The following SCN3A variants were observed in gnomAD, a reference collection of about 807,000 sequenced individuals.
SCN3A encodes the protein sodium voltage-gated channel alpha subunit 3, also known as sodium channel protein type 3 subunit alpha.
SCN3A carries 60 observed loss-of-function variants against 187.6 expected under a neutral mutation model. That is an observed-to-expected ratio of 0.32 (90% CI 0.26 to 0.40). The LOEUF (loss-of-function observed/expected upper bound fraction) is 0.40. Among genes scored for constraint, SCN3A ranks in the 10% least tolerant of loss-of-function variants. The pLI, the probability that SCN3A is intolerant of heterozygous loss-of-function variation, is 1.00. For synonymous variants in SCN3A, 788 were observed against 829.2 expected (o/e 0.95, Z 0.85); for missense variants, 1,601 against 2,428.2 (o/e 0.66, Z 7.16).
chr2:165,158,038 T>A (rs1689166910), intron 9 of SCN3A, among the ~76,000 whole-genome samples: 1 of 152,176 alleles, frequency 6.6e-6, no homozygotes, highest in Non-Finnish European at 1.5e-5. Context: ...CTAGTTCTTT[T>A]TATTGGAAAA....
In SCN3A at chr2:165,089,418, C is replaced by T. The variant is rs994823958; in HGVS notation, c.*732G>A. 6.6e-6 allele frequency: 1 copy of T among 152,518 alleles called. No individual in the cohort carries two copies. Among genetic ancestry groups the T allele is most frequent in the African/African-American group, 2.4e-5 (1 of 41,430 alleles). 9.4% of individuals were successfully genotyped at this position (152,518 alleles called of 1,614,324 possible). The stretch of plus-strand genomic sequence containing the variant: ...TTTGACCTAAATTAAATATAGAGCT[C>T]TGAAACTTAGAATAAAATTTGCACT... On this transcript the variant is annotated 3_prime_UTR_variant, in exon 28 of 28. Transcript: ENST00000283254.
chr2:165,115,587 A>G lies in SCN3A; in HGVS notation c.3394-12T>C. 6.2e-7 allele frequency: 1 copy of G among 1,613,338 alleles called. No individual in the cohort carries two copies. The highest frequency in any genetic ancestry group is 8.5e-7 in the Non-Finnish European group (1 of 1,179,434). On this transcript the variant is annotated splice_polypyrimidine_tract_variant and intron_variant, in intron 18 of 27. Transcript: ENST00000283254. ...GTTGCATTTAATTTCTGGAAACAAAATCCCATTTCAAAGATGTGATTTTCC... is the reference window on the plus strand; with the variant it reads ...GTTGCATTTAATTTCTGGAAACAAAGTCCCATTTCAAAGATGTGATTTTCC...
intron 1 of SCN3A, among the ~76,000 whole-genome samples, chr2:165,193,068 T>C: frequency 6.6e-6 from 1 of 152,118 alleles, no homozygotes; most frequent in East Asian, 1.9e-4. Context: ...GATATTAAAA[T>C]CTAGAACATT....
At chr2:165,112,529 ATGTT>A (rs776018377) in intron 21 of SCN3A, among the ~76,000 whole-genome samples, 46 of 152,160 alleles carry the variant, frequency 3.0e-4, no homozygotes, top group Non-Finnish European at 5.4e-4. Context: ...CTTCTTGGAG[ATGTT>A]TGTTTGTTTT....
At chr2:165,186,014 G>A (rs1243528082) in intron 2 of SCN3A, among the ~76,000 whole-genome samples, 2 of 152,148 alleles carry the variant, frequency 1.3e-5, no homozygotes, top group African/African-American at 2.4e-5. Flanking sequence ...GCTCACACCT[G>A]TAATCCCAGC....
chr2:165,109,954 C>T (rs1057428000), intron 21 of SCN3A, among the ~76,000 whole-genome samples: 5 of 152,192 alleles, frequency 3.3e-5, no homozygotes, highest in African/African-American at 7.2e-5. Context: ...CTCCTTGGCT[C>T]ATTCCCACTT....
At position 165,186,267 on chromosome 2, in the gene SCN3A, C is replaced by A. The variant is rs933090970; in HGVS notation, c.-51+284G>T. On this transcript the variant is annotated intron_variant, in intron 2 of 27. Coordinates refer to ENST00000283254, the MANE Select transcript of SCN3A (RefSeq NM_006922.4). ...CCTGGGCGACAGAGAGAGACTCTGT[C>A]TCAAAACAACAACAACAACAACAAA... Among the ~76,000 whole-genome samples, 5 of 145,738 alleles carry A rather than the reference C, an allele frequency of 3.4e-5. No homozygotes were observed. In the Admixed American group the frequency reaches 3.7e-4, roughly 11 times the overall value.
chr2:165,093,585 A>C (rs567337291), intron 26 of SCN3A: 1 of 152,228 alleles, frequency 6.6e-6, no homozygotes, highest in Non-Finnish European at 1.5e-5. Flanking sequence ...AAAGGTCATG[A>C]AGTGACCATG....
chr2:165,141,197 T>C (rs1039748330), intron 12 of SCN3A, among the ~76,000 whole-genome samples, 199 bp from the exon 13 acceptor site: 3 of 152,236 alleles, frequency 2.0e-5, no homozygotes, highest in Non-Finnish European at 2.9e-5. Context: ...AGAGTGTTTT[T>C]CTGACTAACA....
At position 165,198,804 on chromosome 2, in the gene SCN3A, G is replaced by A. The variant is rs117451219; in HGVS notation, c.-248+5019C>T. On this transcript the variant is annotated intron_variant, in intron 1 of 27. Transcript: ENST00000283254. ...AAATTCCATGAAAAGAAAATGCTCA[G>A]AGTACTTGGGAACATGTTTAGTTAG... Among the ~76,000 whole-genome samples, 73 of 152,086 alleles carry A rather than the reference G, an allele frequency of 4.8e-4. No individual in the cohort carries two copies. In the East Asian group the frequency reaches 0.013, roughly 27 times the overall value.
chr2:165,131,769 A>C (rs1373328793), intron 15 of SCN3A, among the ~76,000 whole-genome samples: 2 of 115,058 alleles, frequency 1.7e-5, no homozygotes, highest in South Asian at 6.2e-4. Flanking sequence ...ACCCCACAAC[A>C]GTCCCCAGAG....
Position 165,176,257 on chromosome 2 carries a change from C to A in SCN3A, c.138G>T (p.Glu46Asp). Residue 46 changes from glutamate to aspartate, a missense_variant, in exon 3 of 28, where the codon GAG becomes GAT. Glu to Asp is a conservative substitution (Grantham distance 45). This residue lies in a region of SCN3A where 74 missense variants were observed against 77.7 expected (regional missense o/e 0.95). Transcript: ENST00000283254. ...AGTCACTATTTGGCTTTGGTTTGTT[C>A]TCATCATCATTATCTTGTTCCTTTT... Reference protein sequence around the residue: ...KPKKEQDNDDENKPKPNSDLE... With the variant: ...KPKKEQDNDDDNKPKPNSDLE... The A allele has an allele frequency of 1.9e-6, 3 of 1,612,144 alleles. No individual in the cohort carries two copies. The highest frequency in any genetic ancestry group is 1.7e-6 in the Non-Finnish European group (2 of 1,179,252).
At position 165,092,614 on chromosome 2, in the gene SCN3A, G is replaced by GTATGT; in HGVS notation, c.4537-91_4537-90insACATA. On this transcript the variant is annotated intron_variant, in intron 26 of 27. Transcript: ENST00000283254. This position sits in a 1 kb window ranked among gnomAD's most constrained non-coding sequence, Gnocchi z 4.2. Reference sequence around the variant, plus strand: ...TTGTAGATAAAGCCCTTCCACATACGGGATGGATGTGCACCCTCCTCATAT... The same window carrying GTATGT: ...TTGTAGATAAAGCCCTTCCACATACGTATGTGGATGGATGTGCACCCTCCTCATAT... The GTATGT allele has an allele frequency of 1.2e-5, 14 of 1,196,094 alleles. No homozygotes were observed. Among genetic ancestry groups the GTATGT allele is most frequent in the Non-Finnish European group, 1.6e-5 (13 of 817,740 alleles). 74.1% of individuals were successfully genotyped at this position (1,196,094 alleles called of 1,614,324 possible). A position where few individuals can be genotyped will look rare whatever the true frequency, so the allele number is the denominator to read the frequency against.
chr2:165,179,404 T>C (rs2105933202), intron 2 of SCN3A: 1 of 152,358 alleles, frequency 6.6e-6, no homozygotes, highest in Non-Finnish European at 1.5e-5. Flanking sequence ...GGTTGGTTTT[T>C]GTTTTAGAAA....
chr2:165,175,340 T>C (rs924714515), intron 3 of SCN3A, among the ~76,000 whole-genome samples: 3 of 152,186 alleles, frequency 2.0e-5, no homozygotes, highest in Non-Finnish European at 4.4e-5. Flanking sequence ...ACCTATTTTT[T>C]ATATTTTCTA....
At chr2:165,142,299 G>T (rs1688056602) in intron 12 of SCN3A, among the ~76,000 whole-genome samples, 1 of 152,136 alleles carries the variant, frequency 6.6e-6, no homozygotes, top group Non-Finnish European at 1.5e-5. Context: ...ATGTATTCTT[G>T]GTTCCTCTGC....
chr2:165,090,359 T>A lies in SCN3A; in HGVS notation c.5794A>T (p.Ile1932Phe). ...NISSNYNKEA[I>F]KGRIDLPIKQ... ...ATAGGTAAGTCAATCCTCCCTTTAATTGCCTCTTTGTTATAGTTACTTGAT... is the reference window on the plus strand; with the variant it reads ...ATAGGTAAGTCAATCCTCCCTTTAAATGCCTCTTTGTTATAGTTACTTGAT... The change falls in exon 28 of 28, where the codon ATT becomes TTT. Residue 1932 changes from isoleucine to phenylalanine, a missense_variant. Coordinates refer to ENST00000283254, the MANE Select transcript of SCN3A (RefSeq NM_006922.4). This position sits in a 1 kb window ranked among gnomAD's most constrained non-coding sequence, Gnocchi z 4.0. 6.2e-7 allele frequency: 1 copy of A among 1,613,132 alleles called. No individual in the cohort carries two copies. Among genetic ancestry groups the A allele is most frequent in the Non-Finnish European group, 8.5e-7 (1 of 1,179,174 alleles).
At chr2:165,108,865 T>C (rs1394867955) in intron 21 of SCN3A, among the ~76,000 whole-genome samples, 1 of 152,156 alleles carries the variant, frequency 6.6e-6, no homozygotes, top group African/African-American at 2.4e-5. Flanking sequence ...GTGCTCCTTC[T>C]AGTGCAGTAT....
At chr2:165,113,172 A>G (rs1686203403) in intron 20 of SCN3A, 114 bp from the exon 21 acceptor site, 1 of 803,812 alleles carries the variant, frequency 1.2e-6, no homozygotes, top group South Asian at 1.6e-5. Context: ...TTGATATTTT[A>G]CATAAACATT....
Sources: gnomAD v4.1 joint callset for allele counts (sites outside exome capture counted in the v4.1 genomes callset) on GRCh38, gnomAD v4.1.1 for gene constraint, gnomAD v4.1.1 regional missense constraint, Gnocchi (gnomAD v3.1) non-coding constraint, MANE v1.5 for transcripts, NCBI Gene and HGNC (gene_info 2026-07-23, HGNC 2026-07-21) for gene names.